The following SND1 variants were observed in gnomAD, a reference collection of about 807,000 sequenced individuals.
SND1 encodes staphylococcal nuclease and tudor domain containing 1.
Under a neutral mutation model 121.7 loss-of-function variants are expected in SND1, and 38 were observed. The ratio of observed to expected loss-of-function variants is 0.31; its 90% CI spans 0.24 to 0.41. The LOEUF (loss-of-function observed/expected upper bound fraction) is 0.41, where lower values mean the gene tolerates loss of function less well. Ranked by LOEUF, SND1 falls within the 10% of genes least tolerant of loss-of-function variation. SND1 has a pLI of 1.00. For synonymous variants in SND1, 401 were observed against 447.4 expected, an observed-to-expected ratio of 0.90 and a Z score of 1.31; for missense variants, 868 against 1,184.6, an observed-to-expected ratio of 0.73 and a Z score of 3.92.
chr7:127,854,072 G>A (rs1487208720), intron 12 of SND1, among the ~76,000 whole-genome samples: 1 of 152,144 alleles, frequency 6.6e-6, no homozygotes, highest in Non-Finnish European at 1.5e-5. Flanking sequence ...CTGATGTGCT[G>A]CTAACACACA....
intron 22 of SND1, among the ~76,000 whole-genome samples, chr7:128,090,820 G>C (rs921173944): frequency 6.6e-6 from 1 of 152,034 alleles, no homozygotes; most frequent in Admixed American, 6.6e-5. Flanking sequence ...CGACCCCTAA[G>C]CCCCTCTGGA....
intron 16 of SND1, among the ~76,000 whole-genome samples, chr7:128,046,430 A>T (rs1192574410): frequency 7.3e-6 from 1 of 137,694 alleles, no homozygotes; most frequent in Admixed American, 7.8e-5. Context: ...CAGTGGCATG[A>T]TCTCACCTCA....
At position 127,652,339 on chromosome 7, in the gene SND1, C is replaced by G. The variant is rs889727301; in HGVS notation, c.-35C>G. The G allele has an allele frequency of 1.3e-6, 2 of 1,556,132 alleles. No individual in the cohort carries two copies. The highest frequency in any genetic ancestry group is 1.2e-5 in the South Asian group (1 of 84,828). On this transcript the variant is annotated 5_prime_UTR_variant, in exon 1 of 24. Transcript: ENST00000354725. ...CCCACATTGACACCTCCAGTCCGGC[C>G]AGCCGCTCCACTCGTTGCCTTTGCA... is the stretch of plus-strand genomic sequence containing the variant.
At chr7:127,757,508 A>G (rs1370397315) in intron 10 of SND1, among the ~76,000 whole-genome samples, 2 of 152,144 alleles carry the variant, frequency 1.3e-5, no homozygotes, top group African/African-American at 2.4e-5. Flanking sequence ...CACTTTTCCA[A>G]TGTTACTATA....
At chr7:128,042,605 C>G (rs1458379794) in intron 16 of SND1, 1 of 152,346 alleles carries the variant, frequency 6.6e-6, no homozygotes. Context: ...GTCCTTCACT[C>G]TCTCCCCAAG....
intron 21 of SND1, among the ~76,000 whole-genome samples, chr7:128,087,545 G>A (rs1793706889): frequency 6.6e-6 from 1 of 152,218 alleles, no homozygotes; most frequent in African/African-American, 2.4e-5. Flanking sequence ...AACAGTCCAG[G>A]CTAGAGACAA....
intron 10 of SND1, among the ~76,000 whole-genome samples, chr7:127,767,030 A>G (rs1797434959): frequency 6.6e-6 from 1 of 152,004 alleles, no homozygotes; most frequent in Admixed American, 6.6e-5. Context: ...AGATGTTTAG[A>G]TATAGTGTGT....
At chr7:127,793,677 G>T (rs2116546665) in intron 10 of SND1, among the ~76,000 whole-genome samples, 2 of 152,228 alleles carry the variant, frequency 1.3e-5, no homozygotes, top group East Asian at 3.9e-4. Context: ...CATGAAGGAG[G>T]ATATAAAACT....
intron 12 of SND1, chr7:127,858,569 A>G (rs1219034103): frequency 5.2e-6 from 2 of 382,192 alleles, no homozygotes; most frequent in Middle Eastern, 7.4e-4. Context: ...CCTTAGCAAC[A>G]CTGACATTGG....
At chr7:127,734,908 G>C (rs543586840) in intron 10 of SND1, among the ~76,000 whole-genome samples, 6 of 152,324 alleles carry the variant, frequency 3.9e-5, no homozygotes, top group African/African-American at 1.4e-4. Flanking sequence ...ATTAATTTAT[G>C]ATGCAATTTC....
At chr7:127,715,732 GT>G (rs1357622415) in intron 9 of SND1, among the ~76,000 whole-genome samples, 1 of 152,070 alleles carries the variant, frequency 6.6e-6, no homozygotes, top group Non-Finnish European at 1.5e-5. Context: ...AATCTAATTT[GT>G]ATTTGTACTA....
chr7:127,958,894 A>G (rs373832501), intron 15 of SND1, among the ~76,000 whole-genome samples: 3 of 152,264 alleles, frequency 2.0e-5, no homozygotes, highest in South Asian at 4.1e-4. Context: ...GTCACCTGAG[A>G]TGAGAGTTGA....
intron 9 of SND1, among the ~76,000 whole-genome samples, chr7:127,714,269 T>A (rs901148123): frequency 3.3e-5 from 5 of 152,218 alleles, no homozygotes; most frequent in African/African-American, 1.2e-4. Context: ...GCTTACCTGC[T>A]AGGGCTTTGT....
chr7:127,767,244 T>A (rs546235227), intron 10 of SND1, among the ~76,000 whole-genome samples: 3 of 152,266 alleles, frequency 2.0e-5, no homozygotes, highest in African/African-American at 7.2e-5. Context: ...TTCCACTGTT[T>A]AATGTAGTAG....
chr7:127,830,896 T>C (rs1798726931), intron 11 of SND1, among the ~76,000 whole-genome samples: 1 of 152,168 alleles, frequency 6.6e-6, no homozygotes, highest in African/African-American at 2.4e-5. Context: ...GTTATAAATG[T>C]ATGAGTTAGA....
chr7:127,872,371 G>A (rs1490598730), intron 12 of SND1, among the ~76,000 whole-genome samples: 6 of 152,132 alleles, frequency 3.9e-5, no homozygotes, highest in Non-Finnish European at 8.8e-5. Context: ...AGGGCTGGAG[G>A]AAGTGCATAA....
chr7:127,940,963 T>G (rs1584682266), intron 15 of SND1, among the ~76,000 whole-genome samples: 1 of 152,212 alleles, frequency 6.6e-6, no homozygotes, highest in East Asian at 1.9e-4. Flanking sequence ...ATTCCCCATG[T>G]ATGGGGGGCT....
At chr7:127,730,138 T>C (rs1796649337) in intron 10 of SND1, among the ~76,000 whole-genome samples, 1 of 152,170 alleles carries the variant, frequency 6.6e-6, no homozygotes, top group South Asian at 2.1e-4. Flanking sequence ...CCAGCTAATT[T>C]TGTATTTTTA....
chr7:127,908,845 T>C (rs899727853), intron 14 of SND1, among the ~76,000 whole-genome samples: 1 of 152,182 alleles, frequency 6.6e-6, no homozygotes, highest in Admixed American at 6.5e-5. Context: ...CCGTAATAAA[T>C]ACAATCTCCT....
Sources: allele counts gnomAD v4.1 joint callset (sites outside exome capture counted in the v4.1 genomes callset), GRCh38; gene constraint gnomAD v4.1.1; transcripts MANE v1.5; gene names NCBI Gene and HGNC (gene_info 2026-07-23, HGNC 2026-07-21).